The following GRB10 variants were observed in gnomAD, a reference collection of about 807,000 sequenced individuals.
GRB10 encodes the protein growth factor receptor-bound protein 10.
A neutral mutation model predicts 80.9 loss-of-function variants in GRB10; 20 were observed. That is an observed-to-expected ratio of 0.25 (90% CI 0.17 to 0.36). GRB10 has a LOEUF of 0.36. Among genes scored for constraint, GRB10 ranks in the 10% least tolerant of loss-of-function variants. The pLI, the probability that GRB10 is intolerant of heterozygous loss-of-function variation, is 1.00. For synonymous variants in GRB10, 291 were observed against 291.5 expected (o/e 1.00, Z 0.02); for missense variants, 548 against 747.7 (o/e 0.73, Z 3.12).
At chr7:50,665,616 G>A (rs943027346) in intron 7 of GRB10, among the ~76,000 whole-genome samples, 2 of 152,220 alleles carry the variant, frequency 1.3e-5, no homozygotes, top group Non-Finnish European at 2.9e-5. Flanking sequence ...CTGCAGGGCG[G>A]GTGCCACCCC....
intron 2 of GRB10, among the ~76,000 whole-genome samples, chr7:50,769,871 C>A (rs1263431387): frequency 6.6e-6 from 1 of 152,166 alleles, no homozygotes; most frequent in East Asian, 1.9e-4. Flanking sequence ...CCAAGGCACT[C>A]TCGGGTGGAT....
intron 12 of GRB10, 25 bp from the exon 13 acceptor site, chr7:50,612,864 G>C (rs755871812): frequency 5.9e-6 from 9 of 1,515,230 alleles, no homozygotes; most frequent in Admixed American, 5.1e-5. Context: ...AGAAAGTCCT[G>C]TTAGTGTTAC....
chr7:50,672,469 AT>A (rs879464762), intron 6 of GRB10, among the ~76,000 whole-genome samples: 4 of 151,468 alleles, frequency 2.6e-5, no homozygotes, highest in Admixed American at 6.6e-5. Flanking sequence ...TGATCTCCAC[AT>A]TTTTTTTTAA....
chr7:50,673,689 A>G (rs1201237292), intron 6 of GRB10, among the ~76,000 whole-genome samples: 1 of 151,802 alleles, frequency 6.6e-6, no homozygotes. Flanking sequence ...CACTGCCCCC[A>G]CGACCCCTGG....
At position 50,676,340 on chromosome 7, in the gene GRB10, G is replaced by A. The variant is rs550797081; in HGVS notation, c.140-1682C>T. 3.8e-4 allele frequency among the ~76,000 whole-genome samples: 57 copies of A among 149,490 alleles called. 4 individuals are homozygous for A. The highest frequency in any genetic ancestry group is 6.5e-4 in the Non-Finnish European group (44 of 67,226). ...AGCAATAGTGTCCACCCCACCGGGG[G>A]GGGGGGGGGGTTGTAAGGACTAGGT... On this transcript the variant is annotated intron_variant, in intron 5 of 18. Transcript: ENST00000401949.
In GRB10 at chr7:50,674,583, A is replaced by G; in HGVS notation, c.215T>C (p.Met72Thr). The G allele has an allele frequency of 1.2e-6, 2 of 1,613,474 alleles. No individual in the cohort carries two copies. The highest frequency in any genetic ancestry group is 1.7e-6 in the Non-Finnish European group (2 of 1,180,044). Reference sequence around the variant, plus strand: ...CAGGAGGGGCACCGTGTCTGACTGCATGCTGCAGGCCGAGTACAGGCTCTC... The same window carrying G: ...CAGGAGGGGCACCGTGTCTGACTGCGTGCTGCAGGCCGAGTACAGGCTCTC... ...SLESLYSACSMQSDTVPLLQN... is the reference protein window; with the variant it reads ...SLESLYSACSTQSDTVPLLQN... The change falls in exon 6 of 19, where the codon ATG becomes ACG. Residue 72 changes from methionine to threonine, a missense_variant. By Grantham distance (81) the Met-to-Thr change is moderately conservative. This residue lies in a region of GRB10 where 245 missense variants were observed against 229.3 expected (regional missense o/e 1.07). Coordinates refer to ENST00000401949, the MANE Select transcript of GRB10 (RefSeq NM_001350814.2).
intron 8 of GRB10, among the ~76,000 whole-genome samples, chr7:50,623,075 C>T (rs765136736): frequency 1.6e-4 from 24 of 152,256 alleles, no homozygotes; most frequent in Non-Finnish European, 5.9e-5. Context: ...CAGAGACTTG[C>T]AGCTCACCAT....
rs560946202 is a variant in GRB10 at position 50,745,167 on chromosome 7, A to C, written c.-47+10720T>G. 7.2e-5 allele frequency among the ~76,000 whole-genome samples: 11 copies of C among 152,350 alleles called. No individual in the cohort carries two copies. In the South Asian group the frequency reaches 2.3e-3, roughly 32 times the overall value. ...TTACTGAAAAAAACTCCACATATAA[A>C]TAGACTCACACAGTTCAAATCCATG... On this transcript the variant is annotated intron_variant, in intron 3 of 18. Transcript: ENST00000401949.
chr7:50,777,981 A>C (rs1253395051), intron 2 of GRB10, among the ~76,000 whole-genome samples: 1 of 152,170 alleles, frequency 6.6e-6, no homozygotes, highest in Non-Finnish European at 1.5e-5. Context: ...GGGGGCTTAA[A>C]ATCTAGATGA....
At chr7:50,689,081 T>C (rs1344856084) in intron 5 of GRB10, among the ~76,000 whole-genome samples, 1 of 152,118 alleles carries the variant, frequency 6.6e-6, no homozygotes. Flanking sequence ...ATACCCACAG[T>C]GGATTAGCCT....
rs369104214 is a variant in GRB10, at chr7:50,721,396, G to A, written c.51+10876C>T. On this transcript the variant is annotated intron_variant, in intron 4 of 18. Coordinates refer to ENST00000401949, the MANE Select transcript of GRB10 (RefSeq NM_001350814.2). ...CCTGCCCATGAGTCACAGAGGAGCC[G>A]TCGCAGTGATCATCAGATCAACTGC... 5.9e-5 allele frequency among the ~76,000 whole-genome samples: 9 copies of A among 152,352 alleles called. No individual in the cohort carries two copies. In the East Asian group the frequency reaches 1.4e-3, roughly 23 times the overall value.
intron 5 of GRB10, among the ~76,000 whole-genome samples, chr7:50,688,026 A>AAC (rs2062319966): frequency 6.6e-6 from 1 of 152,224 alleles, no homozygotes; most frequent in East Asian, 1.9e-4. Context: ...GGGAGGGAGG[A>AAC]ACAGTACAAG....
chr7:50,732,402 A>AT, intron 3 of GRB10, 34 bp from the exon 4 acceptor site: 31 of 1,229,416 alleles, frequency 2.5e-5, no homozygotes, highest in Non-Finnish European at 3.3e-5. Context: ...AAGCCAAGCC[A>AT]GAAAAAAAAA....
chr7:50,771,604 CAA>C (rs1588035817), intron 2 of GRB10, among the ~76,000 whole-genome samples: 1 of 152,196 alleles, frequency 6.6e-6, no homozygotes, highest in Non-Finnish European at 1.5e-5. Context: ...AAACAGGAGC[CAA>C]AACTAAACAG....
chr7:50,774,051 G>C (rs115518071), intron 2 of GRB10, among the ~76,000 whole-genome samples: 20 of 152,206 alleles, frequency 1.3e-4, no homozygotes, highest in African/African-American at 4.8e-4. Flanking sequence ...ACTAATGCAT[G>C]CTACAACATA....
intron 18 of GRB10, among the ~76,000 whole-genome samples, chr7:50,593,302 C>T (rs111503501): frequency 6.6e-6 from 1 of 152,160 alleles, no homozygotes; most frequent in South Asian, 2.1e-4. Context: ...GAGCGAGGGA[C>T]AGACTTTGGG....
intron 8 of GRB10, among the ~76,000 whole-genome samples, chr7:50,621,246 G>A (rs542750518): frequency 3.9e-5 from 6 of 152,238 alleles, no homozygotes; most frequent in Non-Finnish European, 8.8e-5. Flanking sequence ...CACACAGGGG[G>A]ACGTGTCCCT....
At chr7:50,665,735 G>A (rs1222156252) in intron 7 of GRB10, among the ~76,000 whole-genome samples, 1 of 152,212 alleles carries the variant, frequency 6.6e-6, no homozygotes, top group Non-Finnish European at 1.5e-5. Context: ...AGGAAGCAGA[G>A]CCTGGGCAGG....
chr7:50,666,844 T>A (rs1459759525), intron 7 of GRB10, among the ~76,000 whole-genome samples: 2 of 151,870 alleles, frequency 1.3e-5, no homozygotes, highest in Non-Finnish European at 2.9e-5. Flanking sequence ...ATCGAGACCA[T>A]CCTGGCTAAC....
Sources: gnomAD v4.1 joint callset for allele counts (sites outside exome capture counted in the v4.1 genomes callset) on GRCh38, gnomAD v4.1.1 for gene constraint, gnomAD v4.1.1 regional missense constraint, MANE v1.5 for transcripts, NCBI Gene and HGNC (gene_info 2026-07-23, HGNC 2026-07-21) for gene names.